GRID2: variants seen among roughly 807,000 people sequenced by gnomAD.
GRID2 encodes glutamate ionotropic receptor delta type subunit 2.
GRID2 carries 33 observed loss-of-function variants against 114.8 expected under a neutral mutation model. The observed-to-expected ratio is 0.29, with a 90% confidence interval of 0.22 to 0.38. GRID2 has a LOEUF of 0.38. Among genes scored for constraint, GRID2 ranks in the 10% least tolerant of loss-of-function variants. GRID2 has a pLI of 1.00. For missense variants in GRID2, 1,184 were observed against 1,257.7 expected (o/e 0.94, Z 0.89); for synonymous variants, 505 against 449.9 (o/e 1.12, Z -1.55).
chr4:93,615,695 T>C (rs1025560261), intron 13 of GRID2, among the ~76,000 whole-genome samples: 18 of 152,012 alleles, frequency 1.2e-4, no homozygotes, highest in African/African-American at 3.9e-4. Context: ...TACCTTGTTG[T>C]GGTGACTTAC....
chr4:92,899,368 A>G (rs1157595569), intron 2 of GRID2, among the ~76,000 whole-genome samples: 2 of 152,076 alleles, frequency 1.3e-5, no homozygotes, highest in African/African-American at 4.8e-5. Context: ...GAAAGTATTC[A>G]CCAGGATACA....
intron 1 of GRID2, among the ~76,000 whole-genome samples, chr4:92,450,445 A>G: frequency 6.6e-6 from 1 of 152,090 alleles, no homozygotes; most frequent in East Asian, 1.9e-4. Context: ...GAAGGCAAAA[A>G]AGGTCCATTT....
chr4:93,387,796 C>T (rs1414112785), intron 8 of GRID2, among the ~76,000 whole-genome samples: 1 of 148,720 alleles, frequency 6.7e-6, no homozygotes, highest in South Asian at 2.1e-4. Flanking sequence ...TGCCACTGCA[C>T]TCCAGTCTGG....
chr4:93,455,754 G>A lies in GRID2; in HGVS notation c.1638G>A (p.Gly546=). The part of the protein sequence containing the change: ...FTTRYMDYSV[G]VLLRRAEKTV... ...CACGTTACATGGACTACTCAGTGGG[G>A]GTACTACTTCGAAGGGCTGAAAAGA... The change falls in exon 11 of 16, where the codon GGG becomes GGA. Residue 546 remains glycine (G), a synonymous_variant. Coordinates refer to ENST00000282020, the MANE Select transcript of GRID2 (RefSeq NM_001510.4). 2.5e-6 allele frequency: 4 copies of A among 1,611,118 alleles called. No homozygotes were observed. The highest frequency in any genetic ancestry group is 1.3e-5 in the African/African-American group (1 of 74,922).
chr4:93,696,024 CA>C (rs1478622374), intron 14 of GRID2, among the ~76,000 whole-genome samples: 1 of 152,218 alleles, frequency 6.6e-6, no homozygotes, highest in Non-Finnish European at 1.5e-5. Context: ...CGTATTTACA[CA>C]CTGCTTAAGA....
intron 2 of GRID2, among the ~76,000 whole-genome samples, chr4:93,082,378 G>A (rs1729947682): frequency 6.6e-6 from 1 of 152,128 alleles, no homozygotes; most frequent in Non-Finnish European, 1.5e-5. Flanking sequence ...TTAGAGAGCT[G>A]GGTCATCTAT....
intron 2 of GRID2, among the ~76,000 whole-genome samples, chr4:92,686,367 C>T (rs1733906667): frequency 1.3e-5 from 2 of 151,920 alleles, no homozygotes; most frequent in Non-Finnish European, 2.9e-5. Context: ...TGGGAATTTT[C>T]TAGTTTTTTG....
intron 2 of GRID2, among the ~76,000 whole-genome samples, chr4:93,049,474 A>G (rs1321177397): frequency 1.3e-5 from 2 of 151,862 alleles, no homozygotes; most frequent in African/African-American, 2.4e-5. Context: ...TTTGAACTTC[A>G]TTAGTTTAAA....
At chr4:93,532,653 T>C (rs556690946) in intron 13 of GRID2, among the ~76,000 whole-genome samples, 167 of 152,298 alleles carry the variant, frequency 1.1e-3, no homozygotes, top group Middle Eastern at 3.4e-3. Context: ...CTGCACCATG[T>C]TAACACAAAT....
intron 2 of GRID2, among the ~76,000 whole-genome samples, chr4:92,827,154 A>G (rs550888432): frequency 6.6e-6 from 1 of 152,186 alleles, no homozygotes; most frequent in Admixed American, 6.6e-5. Context: ...CTTATCCTCT[A>G]TTAAGTCAAA....
intron 14 of GRID2, among the ~76,000 whole-genome samples, chr4:93,657,328 T>C (rs1259411651): frequency 6.6e-6 from 1 of 152,164 alleles, no homozygotes; most frequent in Non-Finnish European, 1.5e-5. Flanking sequence ...ATACTTAGGA[T>C]ACTGTACATA....
At chr4:92,310,066 C>T (rs570575862) in intron 1 of GRID2, among the ~76,000 whole-genome samples, 1 of 151,774 alleles carries the variant, frequency 6.6e-6, no homozygotes, top group African/African-American at 2.4e-5. Context: ...TTATGAATGA[C>T]CATATATGTT....
intron 2 of GRID2, among the ~76,000 whole-genome samples, chr4:92,671,937 T>C (rs62310177): frequency 0.061 from 9,267 of 152,204 alleles, 337 homozygotes; most frequent in East Asian, 0.16. Context: ...TTCAGGATAC[T>C]CTTACATACT....
chr4:92,901,362 C>G (rs1374505764), intron 2 of GRID2, among the ~76,000 whole-genome samples: 1 of 151,958 alleles, frequency 6.6e-6, no homozygotes, highest in Non-Finnish European at 1.5e-5. Context: ...TGTTGTTGCA[C>G]TGAGTTGCTT....
At position 92,978,820 on chromosome 4, in the gene GRID2, C is replaced by A. The variant is rs144666595; in HGVS notation, c.245-106175C>A. Among the ~76,000 whole-genome samples the A allele has an allele frequency of 2.6e-3, 390 of 152,108 alleles. 5 individuals carry two copies. Among genetic ancestry groups the A allele is most frequent in the African/African-American group, 9.0e-3 (373 of 41,506 alleles). On this transcript the variant is annotated intron_variant, in intron 2 of 15. Transcript: ENST00000282020. The stretch of plus-strand genomic sequence containing the variant: ...GCCGAGATAGGAGAATCACCTGGGG[C>A]CCGAGACCAGTTGGGCTGCAACATA...
At chr4:92,472,010 T>G (rs1177514678) in intron 1 of GRID2, among the ~76,000 whole-genome samples, 1 of 55,506 alleles carries the variant, frequency 1.8e-5, no homozygotes, top group Non-Finnish European at 3.5e-5. Context: ...CTCGGCTCAC[T>G]GCAAGCTCCG....
chr4:93,370,360 A>C (rs1048222639), intron 8 of GRID2, among the ~76,000 whole-genome samples: 2 of 151,382 alleles, frequency 1.3e-5, no homozygotes, highest in Non-Finnish European at 3.0e-5. Context: ...TTGCTTCATA[A>C]TACTACACAC....
At chr4:92,370,319 C>T (rs755191141) in intron 1 of GRID2, among the ~76,000 whole-genome samples, 1 of 152,144 alleles carries the variant, frequency 6.6e-6, no homozygotes, top group African/African-American at 2.4e-5. Context: ...TCTCCCTCTT[C>T]TCAGTTCTCC....
intron 13 of GRID2, among the ~76,000 whole-genome samples, chr4:93,624,899 G>A (rs891911203): frequency 1.3e-5 from 2 of 150,170 alleles, no homozygotes; most frequent in East Asian, 3.9e-4. Context: ...GACATTGTAA[G>A]TGAACCAGAG....
Sources: allele counts gnomAD v4.1 joint callset (sites outside exome capture counted in the v4.1 genomes callset), GRCh38; gene constraint gnomAD v4.1.1; transcripts MANE v1.5; gene names NCBI Gene and HGNC (gene_info 2026-07-23, HGNC 2026-07-21).